The following ZNF695 variants were observed in gnomAD, a reference collection of about 807,000 sequenced individuals.
ZNF695 encodes zinc finger protein SBZF3.
ZNF695 carries 11 observed loss-of-function variants against 11.2 expected under a neutral mutation model. The observed-to-expected ratio is 0.98, with a 90% confidence interval of 0.62 to 1.62. The LOEUF is 1.62. Ranked by LOEUF, ZNF695 falls within the 40% of genes most tolerant of loss-of-function variation. The probability of loss-of-function intolerance (pLI) is 0.00; values close to 1 mark genes in which losing one functional copy is unlikely to be tolerated. For synonymous variants in ZNF695, 190 were observed against 201.4 expected (o/e 0.94, Z 0.48); for missense variants, 559 against 590.5 (o/e 0.95, Z 0.55).
chr1:246,995,125 A>G (rs1315187529), intron 3 of ZNF695, among the ~76,000 whole-genome samples: 1 of 152,206 alleles, frequency 6.6e-6, no homozygotes, highest in Non-Finnish European at 1.5e-5. Context: ...AATCCACGAT[A>G]TTCTCAACAG....
intron 3 of ZNF695, among the ~76,000 whole-genome samples, chr1:246,990,611 T>C (rs1053747431): frequency 6.6e-6 from 1 of 152,208 alleles, no homozygotes; most frequent in African/African-American, 2.4e-5. Flanking sequence ...ATATGCCAAA[T>C]GGATCTAATA....
intron 1 of ZNF695, among the ~76,000 whole-genome samples, chr1:247,004,260 AT>A (rs1669474235): frequency 6.6e-6 from 1 of 152,244 alleles, no homozygotes. Flanking sequence ...AGTGGGATTT[AT>A]CCCAGGGATG....
chr1:246,995,999 G>A, intron 3 of ZNF695: 1 of 453,148 alleles, frequency 2.2e-6, no homozygotes, highest in Non-Finnish European at 4.4e-6. Context: ...AAAGCTGATA[G>A]GGGAAAACAA....
chr1:246,974,263 C>T (rs1668504160), intron 4 of ZNF695, among the ~76,000 whole-genome samples: 4 of 152,072 alleles, frequency 2.6e-5, no homozygotes, highest in Admixed American at 2.0e-4. Flanking sequence ...GCAGGAGCAC[C>T]TTACTATCAG....
chr1:246,998,882 C>T (rs1007487478), intron 3 of ZNF695, among the ~76,000 whole-genome samples: 25 of 151,948 alleles, frequency 1.6e-4, no homozygotes, highest in Admixed American at 2.0e-4. Flanking sequence ...GCAGGGGAAT[C>T]GCTTGAACCC....
intron 1 of ZNF695, among the ~76,000 whole-genome samples, chr1:247,005,992 G>A (rs1034250602): frequency 6.6e-6 from 1 of 152,260 alleles, no homozygotes; most frequent in East Asian, 1.9e-4. Flanking sequence ...TTGGGAGGCC[G>A]AGGCGGGAGG....
intron 5 of ZNF695, among the ~76,000 whole-genome samples, chr1:246,951,988 G>A (rs988944311): frequency 4.6e-5 from 7 of 152,126 alleles, no homozygotes; most frequent in African/African-American, 1.4e-4. Flanking sequence ...TCGCTCTGTC[G>A]CACATGCTGG....
intron 1 of ZNF695, among the ~76,000 whole-genome samples, chr1:247,006,369 T>C (rs925561078): frequency 6.6e-6 from 1 of 151,920 alleles, no homozygotes; most frequent in Non-Finnish European, 1.5e-5. Flanking sequence ...TCCCAGCACT[T>C]TGGGAGGCTG....
chr1:247,006,286 C>T (rs1191133135), intron 1 of ZNF695, among the ~76,000 whole-genome samples: 1 of 150,606 alleles, frequency 6.6e-6, no homozygotes, highest in South Asian at 2.1e-4. Context: ...AAAAAAGAAC[C>T]GTTAAAATCT....
chr1:246,958,813 T>C (rs1362828845), intron 5 of ZNF695, among the ~76,000 whole-genome samples: 1 of 152,164 alleles, frequency 6.6e-6, no homozygotes, highest in Non-Finnish European at 1.5e-5. Flanking sequence ...TATGCAGCCA[T>C]AGTAACACGC....
At chr1:247,007,494 C>CAAAAA (rs34758795) in intron 1 of ZNF695, among the ~76,000 whole-genome samples, 3 of 79,434 alleles carry the variant, frequency 3.8e-5, no homozygotes, top group Admixed American at 1.3e-4. Flanking sequence ...GACTCCGTCT[C>CAAAAA]AAAAAAAAAA....
chr1:246,987,516 A>G lies in ZNF695; in HGVS notation c.999T>C (p.Phe333=), dbSNP rs776494149. Residue 333 remains phenylalanine (F), a synonymous_variant, in exon 4 of 4, where the codon TTT becomes TTC. Transcript: ENST00000339986. The part of the protein sequence containing the change: ...PYKCEECGKV[F]KLLSYLTQHR... ...GTTGAGTAAGGTATGACAACAATTT[A>G]AAGACTTTGCCACATTCTTCACACT... 1 of 1,605,948 alleles carries G rather than the reference A, an allele frequency of 6.2e-7. No individual in the cohort carries two copies. The highest frequency in any genetic ancestry group is 1.1e-5 in the South Asian group (1 of 89,730).
intron 5 of ZNF695, among the ~76,000 whole-genome samples, chr1:246,965,842 G>A (rs754419672): frequency 6.6e-6 from 1 of 151,960 alleles, no homozygotes; most frequent in Non-Finnish European, 1.5e-5. Flanking sequence ...GGACTTCTCA[G>A]CCTCCATAAC....
At chr1:246,946,269 T>C (rs760215032) in intron 5 of ZNF695, among the ~76,000 whole-genome samples, 1 of 151,832 alleles carries the variant, frequency 6.6e-6, no homozygotes, top group Non-Finnish European at 1.5e-5. Context: ...ACAGAGCGTC[T>C]TCTATCTACA....
chr1:247,007,419 C>T (rs1239116664), intron 1 of ZNF695, among the ~76,000 whole-genome samples: 2 of 141,560 alleles, frequency 1.4e-5, no homozygotes, highest in South Asian at 4.4e-4. Context: ...TCGCTTGAAC[C>T]TGGGAGGCAG....
chr1:246,976,608 C>T lies in ZNF695; in HGVS notation c.391-8816G>A, dbSNP rs531377395. ...AGGAGATCGAGACCATCCTGGCTAA[C>T]ACGGTGAAACCCCGTCTCTACTAAA... On this transcript the variant is annotated intron_variant, in intron 4 of 5. Coordinates refer to the ZNF695 transcript ENST00000487338. Among the ~76,000 whole-genome samples, 15 of 151,688 alleles carry T rather than the reference C, an allele frequency of 9.9e-5. 1 individual carries two copies. In the South Asian group the frequency reaches 2.9e-3, roughly 30 times the overall value.
At chr1:246,953,379 C>A (rs538651755) in intron 5 of ZNF695, among the ~76,000 whole-genome samples, 12 of 151,446 alleles carry the variant, frequency 7.9e-5, no homozygotes, top group Admixed American at 7.9e-4. Context: ...GAGGCCGAGG[C>A]GGGCGGATCA....
At chr1:246,966,990 G>A (rs1390398212) in intron 5 of ZNF695, 25 of 394,526 alleles carry the variant, frequency 6.3e-5, no homozygotes, top group South Asian at 4.8e-4. Flanking sequence ...CCAGGCTGGA[G>A]TGCAATGGCG....
At chr1:246,972,120 C>A (rs1668443335) in intron 4 of ZNF695, among the ~76,000 whole-genome samples, 1 of 152,238 alleles carries the variant, frequency 6.6e-6, no homozygotes, top group African/African-American at 2.4e-5. Flanking sequence ...CGCAACCATG[C>A]AGGGAGAAAG....
Sources: allele counts gnomAD v4.1 joint callset (sites outside exome capture counted in the v4.1 genomes callset), GRCh38; gene constraint gnomAD v4.1.1; transcripts MANE v1.5; gene names NCBI Gene and HGNC (gene_info 2026-07-23, HGNC 2026-07-21).